Variants in RCBTB1 observed in about 807,000 individuals in gnomAD.
The protein encoded by RCBTB1 is RCC1 and BTB domain containing protein 1.
A neutral mutation model predicts 62.4 loss-of-function variants in RCBTB1; 46 were observed. The observed-to-expected ratio is 0.74, with a 90% CI of 0.58 to 0.94. The LOEUF is 0.94. Ranked by LOEUF, RCBTB1 falls within the 40% of genes least tolerant of loss-of-function variation. The pLI, the probability that RCBTB1 is intolerant of heterozygous loss-of-function variation, is 0.00. For missense variants in RCBTB1, 565 were observed against 654.9 expected (o/e 0.86, Z 1.50); for synonymous variants, 222 against 245.8 (o/e 0.90, Z 0.91).
At chr13:49,565,140 G>C (rs1044770990) in intron 4 of RCBTB1, among the ~76,000 whole-genome samples, 2 of 152,144 alleles carry the variant, frequency 1.3e-5, no homozygotes, top group Non-Finnish European at 2.9e-5. Context: ...TCAGCCTGCC[G>C]AGTGCCTGCG....
chr13:49,544,939 A>C, intron 9 of RCBTB1, 76 bp from the exon 10 acceptor site: 1 of 1,252,114 alleles, frequency 8.0e-7, no homozygotes, highest in South Asian at 1.3e-5. Context: ...CAAAAAGATC[A>C]TCATGACCGT....
intron 12 of RCBTB1, among the ~76,000 whole-genome samples, chr13:49,537,505 T>C (rs1269503597): frequency 6.6e-6 from 1 of 152,170 alleles, no homozygotes; most frequent in East Asian, 1.9e-4. Flanking sequence ...AACTTCAGAA[T>C]TAGATTCCTG....
intron 5 of RCBTB1, among the ~76,000 whole-genome samples, chr13:49,557,658 A>G (rs1423841980): frequency 1.3e-5 from 2 of 152,028 alleles, no homozygotes; most frequent in African/African-American, 2.4e-5. Context: ...GGTAGCTCAC[A>G]CCTATAATCC....
At chr13:49,555,076 A>C (rs1317651664) in intron 6 of RCBTB1, among the ~76,000 whole-genome samples, 1 of 152,222 alleles carries the variant, frequency 6.6e-6, no homozygotes, top group Non-Finnish European at 1.5e-5. Context: ...GGACCCCACA[A>C]AAAATCTGCT....
chr13:49,581,674 C>A (rs181190971), intron 1 of RCBTB1, among the ~76,000 whole-genome samples: 4 of 152,020 alleles, frequency 2.6e-5, no homozygotes, highest in Admixed American at 6.6e-5. Context: ...CAGGGAGTAC[C>A]CCCTAGAAGG....
intron 2 of RCBTB1, among the ~76,000 whole-genome samples, chr13:49,570,005 CAAGCCATATA>C (rs1218896858): frequency 6.6e-6 from 1 of 152,148 alleles, no homozygotes; most frequent in Non-Finnish European, 1.5e-5. Flanking sequence ...CATAAGAAGT[CAAGCCATATA>C]AAGCCATACA....
Position 49,533,596 on chromosome 13 carries a change from C to A in RCBTB1, c.*526G>T, listed in dbSNP as rs1959710982. The A allele has an allele frequency of 6.6e-6, 1 of 152,232 alleles. No homozygotes were observed. Among genetic ancestry groups the A allele is most frequent in the Admixed American group, 6.5e-5 (1 of 15,272 alleles). The allele number at this position is 152,232 out of a possible 1,614,324, so 9.4% of individuals were successfully genotyped here. ...AAAGTCATCAACGCAAGCACACAAACAAAAGTCTGAAACAATCTTAATTAT... is the reference window on the plus strand; with the variant it reads ...AAAGTCATCAACGCAAGCACACAAAAAAAAGTCTGAAACAATCTTAATTAT... On this transcript the variant is annotated 3_prime_UTR_variant, in exon 13 of 13. Transcript: ENST00000378302.
intron 5 of RCBTB1, among the ~76,000 whole-genome samples, chr13:49,559,073 T>C (rs1962197164): frequency 6.6e-6 from 1 of 152,256 alleles, no homozygotes; most frequent in Admixed American, 6.5e-5. Flanking sequence ...AACTTAACTC[T>C]TGTTTTTATC....
rs1016919647 is a variant in RCBTB1 at position 49,566,889 on chromosome 13, T to C, written c.127-121A>G. ...AGCTCAGGAGGTGAAAAGAGACTGATATGGTTGTTAAGAAAAATTCAACCT... is the reference window on the plus strand; with the variant it reads ...AGCTCAGGAGGTGAAAAGAGACTGACATGGTTGTTAAGAAAAATTCAACCT... On this transcript the variant is annotated intron_variant, in intron 3 of 12. Transcript: ENST00000378302. The C allele has an allele frequency of 3.3e-5, 33 of 985,680 alleles. No individual in the cohort carries two copies. The Admixed American group carries it at 5.8e-4, about 17-fold the overall frequency. The allele number at this position is 985,680 out of a possible 1,614,324, so 61.1% of individuals were successfully genotyped here. A position where few individuals can be genotyped will look rare whatever the true frequency, so the allele number is the denominator to read the frequency against.
chr13:49,583,471 T>C (rs192988735), intron 1 of RCBTB1, among the ~76,000 whole-genome samples: 48 of 152,218 alleles, frequency 3.2e-4, no homozygotes, highest in African/African-American at 9.2e-4. Context: ...ACTGATCTCC[T>C]CTACTAAGTC....
chr13:49,581,155 A>AG (rs1964072247), intron 1 of RCBTB1, among the ~76,000 whole-genome samples: 1 of 152,194 alleles, frequency 6.6e-6, no homozygotes. Context: ...AAACAGATGT[A>AG]GGTCTATGAA....
At chr13:49,563,355 C>CA (rs57586924) in intron 4 of RCBTB1, among the ~76,000 whole-genome samples, 1,751 of 52,090 alleles carry the variant, frequency 0.034, 162 homozygotes, top group African/African-American at 0.067. Flanking sequence ...GACCCTGCCT[C>CA]AAAAAAAAAA....
chr13:49,539,164 C>T (rs1212354844), intron 12 of RCBTB1, among the ~76,000 whole-genome samples: 8 of 99,756 alleles, frequency 8.0e-5, no homozygotes, highest in African/African-American at 1.4e-4. Context: ...CAAGCCTGGC[C>T]ATTTTTTTTT....
intron 12 of RCBTB1, among the ~76,000 whole-genome samples, chr13:49,539,726 C>G (rs1329952400): frequency 6.6e-6 from 1 of 152,220 alleles, no homozygotes; most frequent in Non-Finnish European, 1.5e-5. Flanking sequence ...AAAATCATAC[C>G]CCATTTTCTA....
chr13:49,544,727 G>T lies in RCBTB1; in HGVS notation c.1172+10C>A. The T allele has an allele frequency of 6.2e-7, 1 of 1,606,938 alleles. No homozygotes were observed. ...AAGTTATTGATGTCTCTGAGCTCATGCAAAAATACCTGATTTTCAAAACAG... is the reference window on the plus strand; with the variant it reads ...AAGTTATTGATGTCTCTGAGCTCATTCAAAAATACCTGATTTTCAAAACAG... On this transcript the variant is annotated intron_variant, in intron 10 of 12. Transcript: ENST00000378302.
intron 2 of RCBTB1, among the ~76,000 whole-genome samples, chr13:49,569,696 G>A (rs1372608529): frequency 6.7e-6 from 1 of 150,146 alleles, no homozygotes; most frequent in Non-Finnish European, 1.5e-5. Flanking sequence ...TTGTCTGGGT[G>A]GCAGAGTGAG....
At chr13:49,566,066 G>C (rs1043483473) in intron 4 of RCBTB1, among the ~76,000 whole-genome samples, 65 of 150,246 alleles carry the variant, frequency 4.3e-4, no homozygotes, top group African/African-American at 1.2e-3. Context: ...AAGGCAGCAT[G>C]CTCGTTAAGA....
At chr13:49,573,400 C>T (rs1222329725) in intron 2 of RCBTB1, among the ~76,000 whole-genome samples, 1 of 151,078 alleles carries the variant, frequency 6.6e-6, no homozygotes, top group African/African-American at 2.4e-5. Flanking sequence ...CAAGTCCTAT[C>T]AGTCTCCTAC....
intron 7 of RCBTB1, 145 bp downstream of exon 7, chr13:49,552,033 G>A: frequency 1.5e-6 from 1 of 660,266 alleles, no homozygotes. Flanking sequence ...TGGGAAATTA[G>A]GGAAGATATA....
Sources: allele counts gnomAD v4.1 joint callset (sites outside exome capture counted in the v4.1 genomes callset), GRCh38; gene constraint gnomAD v4.1.1; transcripts MANE v1.5; gene names NCBI Gene and HGNC (gene_info 2026-07-23, HGNC 2026-07-21).